The following ARNT2 variants were observed in gnomAD, a reference collection of about 807,000 sequenced individuals.
ARNT2 encodes the protein aryl hydrocarbon receptor nuclear translocator 2.
ARNT2 carries 36 observed loss-of-function variants against 91.7 expected under a neutral mutation model. That is an observed-to-expected ratio of 0.39 (90% CI 0.30 to 0.52). The LOEUF (loss-of-function observed/expected upper bound fraction) is 0.52. ARNT2 is among the 20% of genes least tolerant of loss of function. The pLI is 0.72. For missense variants in ARNT2, 775 were observed against 939.3 expected (o/e 0.83, Z 2.29); for synonymous variants, 365 against 347.1 (o/e 1.05, Z -0.57).
chr15:80,425,221 G>T (rs1895916533), intron 1 of ARNT2, among the ~76,000 whole-genome samples: 1 of 152,212 alleles, frequency 6.6e-6, no homozygotes, highest in Admixed American at 6.5e-5. Context: ...CCCTTTGGAG[G>T]ATCCTAGAGT....
chr15:80,435,015 C>G (rs899282551), intron 1 of ARNT2, among the ~76,000 whole-genome samples: 1 of 152,114 alleles, frequency 6.6e-6, no homozygotes, highest in Non-Finnish European at 1.5e-5. Flanking sequence ...GCGGGTAAAC[C>G]ACTGGGATGT....
chr15:80,597,302 A>G lies in ARNT2; in HGVS notation c.*3604A>G, dbSNP rs963442913. On this transcript the variant is annotated 3_prime_UTR_variant, in exon 19 of 19. Coordinates refer to ENST00000303329, the MANE Select transcript of ARNT2 (RefSeq NM_014862.4). ...CCGTCACGGTTCTGACCTACCACAT[A>G]AACAGGAAGAAGCCAGTGACCGGAA... The G allele has an allele frequency of 7.7e-6, 4 of 518,572 alleles. No homozygotes were observed. In the African/African-American group the frequency reaches 7.7e-5, roughly 10 times the overall value. 32.1% of individuals were successfully genotyped at this position (518,572 alleles called of 1,614,324 possible). A position where few individuals can be genotyped will look rare whatever the true frequency, so the allele number is the denominator to read the frequency against.
At chr15:80,562,081 T>C (rs1019096609) in intron 11 of ARNT2, among the ~76,000 whole-genome samples, 1 of 148,140 alleles carries the variant, frequency 6.8e-6, no homozygotes, top group African/African-American at 2.5e-5. Flanking sequence ...TCTTCCTTCT[T>C]TTTTTTTTTT....
rs764148818 is a variant in ARNT2, at chr15:80,581,247, A to G, written c.1761A>G (p.Pro587=). 1 of 1,613,878 alleles carries G rather than the reference A, an allele frequency of 6.2e-7. No homozygotes were observed. The highest frequency in any genetic ancestry group is 8.5e-7 in the Non-Finnish European group (1 of 1,180,008). Residue 587 remains proline (P), a synonymous_variant, in exon 17 of 19, where the codon CCA becomes CCG. Transcript: ENST00000303329. ...CTTTGTCCTGATTGTAGCAAATCCC[A>G]TCTCAGTCCAGCAAGACTCAGTCAT... is the stretch of plus-strand genomic sequence containing the variant. The part of the protein sequence containing the change: ...SRPPFPGQQI[P]SQSSKTQSSP...
chr15:80,549,300 C>T (rs1479928369), intron 8 of ARNT2, among the ~76,000 whole-genome samples: 2 of 152,002 alleles, frequency 1.3e-5, no homozygotes, highest in Non-Finnish European at 2.9e-5. Flanking sequence ...TGAATTTTTC[C>T]TTAAGCTTTG....
intron 3 of ARNT2, among the ~76,000 whole-genome samples, chr15:80,459,041 C>T (rs80227900): frequency 0.041 from 6,236 of 152,224 alleles, 162 homozygotes; most frequent in South Asian, 0.092. Flanking sequence ...AACTGCATTG[C>T]GATTGTGAGT....
In ARNT2 at chr15:80,508,275, C is replaced by T. The variant is rs1310282196; in HGVS notation, c.725+17C>T. 1 of 1,612,890 alleles carries T rather than the reference C, an allele frequency of 6.2e-7. No homozygotes were observed. The highest frequency in any genetic ancestry group is 1.1e-5 in the South Asian group (1 of 91,052). ...CAGGATGAGGTCTGTTTTGGGGGAG[C>T]AGCAGGCCATCAGGTGGTTGGTTTG... On this transcript the variant is annotated intron_variant, in intron 6 of 18. Transcript: ENST00000303329.
At chr15:80,523,033 T>C (rs1897578943) in intron 8 of ARNT2, among the ~76,000 whole-genome samples, 1 of 151,698 alleles carries the variant, frequency 6.6e-6, no homozygotes, top group African/African-American at 2.4e-5. Flanking sequence ...AGCCAGGGAG[T>C]GTGAAAGAGT....
At chr15:80,558,454 C>G (rs996751933) in intron 11 of ARNT2, among the ~76,000 whole-genome samples, 6 of 151,634 alleles carry the variant, frequency 4.0e-5, no homozygotes, top group African/African-American at 1.5e-4. Context: ...ATTCTCATGC[C>G]TCAGCCTCCC....
At chr15:80,504,226 A>G (rs1897239883) in intron 5 of ARNT2, among the ~76,000 whole-genome samples, 1 of 151,304 alleles carries the variant, frequency 6.6e-6, no homozygotes, top group Non-Finnish European at 1.5e-5. Context: ...TCCCTTTCTC[A>G]CTCTTCCTGG....
intron 1 of ARNT2, among the ~76,000 whole-genome samples, chr15:80,427,211 A>T (rs1895946218): frequency 6.6e-6 from 1 of 152,188 alleles, no homozygotes; most frequent in Non-Finnish European, 1.5e-5. Context: ...CAAGAAGGGC[A>T]TCAGCAGGAG....
At chr15:80,482,380 G>T (rs1356748081) in intron 5 of ARNT2, among the ~76,000 whole-genome samples, 1 of 152,040 alleles carries the variant, frequency 6.6e-6, no homozygotes, top group Non-Finnish European at 1.5e-5. Flanking sequence ...TGCACAGGAA[G>T]GGTTGAGAAC....
At chr15:80,532,633 G>T (rs1328202955) in intron 8 of ARNT2, among the ~76,000 whole-genome samples, 1 of 152,206 alleles carries the variant, frequency 6.6e-6, no homozygotes, top group African/African-American at 2.4e-5. Context: ...TGTTGGGAGA[G>T]AGAGGAAGAA....
intron 2 of ARNT2, among the ~76,000 whole-genome samples, chr15:80,454,395 C>T (rs1896451462): frequency 6.6e-6 from 1 of 152,080 alleles, no homozygotes; most frequent in Non-Finnish European, 1.5e-5. Flanking sequence ...ACTTGGAGTC[C>T]GATGCTGGGC....
chr15:80,508,374 A>T (rs1897301849), intron 6 of ARNT2, 116 bp downstream of exon 6: 1 of 921,248 alleles, frequency 1.1e-6, no homozygotes, highest in African/African-American at 1.6e-5. Flanking sequence ...GGTTCACTCC[A>T]GGGACTTCGT....
intron 11 of ARNT2, 180 bp from the exon 12 acceptor site, chr15:80,562,908 G>A (rs1467486742): frequency 2.8e-6 from 2 of 702,486 alleles, no homozygotes; most frequent in Non-Finnish European, 5.0e-6. Context: ...TCACCAGAAG[G>A]TAGACGGAGG....
intron 4 of ARNT2, among the ~76,000 whole-genome samples, chr15:80,473,791 G>GTCC (rs1328605109): frequency 6.6e-6 from 1 of 152,128 alleles, no homozygotes; most frequent in Non-Finnish European, 1.5e-5. Flanking sequence ...TAGTCTCTGG[G>GTCC]TCCTTGTACC....
chr15:80,428,003 G>A (rs1895956158), intron 1 of ARNT2, among the ~76,000 whole-genome samples: 1 of 152,242 alleles, frequency 6.6e-6, no homozygotes, highest in African/African-American at 2.4e-5. Flanking sequence ...CTGCTCATCA[G>A]CTCGGCCTGA....
intron 8 of ARNT2, among the ~76,000 whole-genome samples, chr15:80,537,919 T>C (rs1411651834): frequency 2.0e-5 from 3 of 152,194 alleles, no homozygotes; most frequent in Non-Finnish European, 2.9e-5. Flanking sequence ...ACCTACCTAT[T>C]AGAGTGAGTC....
Sources: gnomAD v4.1 joint callset for allele counts (sites outside exome capture counted in the v4.1 genomes callset) on GRCh38, gnomAD v4.1.1 for gene constraint, MANE v1.5 for transcripts, NCBI Gene and HGNC (gene_info 2026-07-23, HGNC 2026-07-21) for gene names.